The following GSK3B variants were observed in gnomAD, a reference collection of about 807,000 sequenced individuals.
The protein encoded by GSK3B is glycogen synthase kinase 3 beta.
Under a neutral mutation model 56.4 loss-of-function variants are expected in GSK3B, and 15 were observed. The observed-to-expected ratio is 0.27, with a 90% CI of 0.18 to 0.41. The LOEUF (loss-of-function observed/expected upper bound fraction) is 0.41. Among genes scored for constraint, GSK3B ranks in the 10% least tolerant of loss-of-function variants. The probability of loss-of-function intolerance (pLI) is 1.00; values close to 1 mark genes in which losing one functional copy is unlikely to be tolerated. For missense variants in GSK3B, 300 were observed against 513.4 expected (o/e 0.58, Z 4.02); for synonymous variants, 181 against 188.9 (o/e 0.96, Z 0.34).
intron 3 of GSK3B, among the ~76,000 whole-genome samples, chr3:119,928,612 TAAAAAAAAA>T (rs1160252679): frequency 7.5e-5 from 5 of 67,056 alleles, no homozygotes; most frequent in South Asian, 6.9e-4. Context: ...ATCAAAAAAA[TAAAAAAAAA>T]AAAAAAAAAA....
At chr3:119,842,494 T>G (rs906349179) in intron 10 of GSK3B, among the ~76,000 whole-genome samples, 2 of 152,100 alleles carry the variant, frequency 1.3e-5, no homozygotes, top group Non-Finnish European at 2.9e-5. Context: ...GCAATTTACA[T>G]TCGAGGGGAA....
intron 8 of GSK3B, among the ~76,000 whole-genome samples, chr3:119,870,838 G>C (rs2056241804): frequency 6.6e-6 from 1 of 152,130 alleles, no homozygotes; most frequent in African/African-American, 2.4e-5. Context: ...GAACAAAACA[G>C]ACAAGTGGCA....
chr3:120,029,252 G>T, intron 1 of GSK3B: 1 of 720,490 alleles, frequency 1.4e-6, no homozygotes, highest in Admixed American at 1.8e-5. Context: ...GGTTATCACA[G>T]CTGCAAATGA....
chr3:119,961,453 C>T (rs2057270551), intron 2 of GSK3B, among the ~76,000 whole-genome samples: 1 of 152,012 alleles, frequency 6.6e-6, no homozygotes, highest in Admixed American at 6.6e-5. Context: ...CATGGTGAAA[C>T]TCCGTCTCTA....
intron 1 of GSK3B, among the ~76,000 whole-genome samples, chr3:120,062,062 A>C (rs928643984): frequency 6.6e-6 from 1 of 151,738 alleles, no homozygotes; most frequent in Non-Finnish European, 1.5e-5. Flanking sequence ...TTAGCAACAT[A>C]CCTCCTGAAA....
At chr3:119,884,504 T>C (rs2056413472) in intron 7 of GSK3B, among the ~76,000 whole-genome samples, 1 of 152,154 alleles carries the variant, frequency 6.6e-6, no homozygotes. Context: ...GATACAATAT[T>C]ATCCTCTTTT....
intron 1 of GSK3B, among the ~76,000 whole-genome samples, chr3:120,036,274 CAAAG>C (rs958037564): frequency 1.3e-5 from 2 of 152,024 alleles, no homozygotes; most frequent in African/African-American, 2.4e-5. Context: ...TATAACTTAC[CAAAG>C]AAAGTCCTCG....
At chr3:119,858,484 T>C (rs2056052508) in intron 9 of GSK3B, among the ~76,000 whole-genome samples, 2 of 152,208 alleles carry the variant, frequency 1.3e-5, no homozygotes, top group Admixed American at 6.5e-5. Context: ...GCTACAAACT[T>C]TTCCTTGTAG....
intron 1 of GSK3B, among the ~76,000 whole-genome samples, chr3:120,091,170 T>C (rs947595614): frequency 1.1e-4 from 17 of 152,290 alleles, no homozygotes; most frequent in African/African-American, 2.2e-4. Flanking sequence ...AATTTTTTTT[T>C]CCCCATAGCC....
At chr3:120,055,691 G>A (rs1240094148) in intron 1 of GSK3B, among the ~76,000 whole-genome samples, 3 of 152,108 alleles carry the variant, frequency 2.0e-5, no homozygotes, top group African/African-American at 7.2e-5. Flanking sequence ...TGAACAGTGA[G>A]CTTCTCAGTA....
intron 1 of GSK3B, among the ~76,000 whole-genome samples, chr3:120,022,640 T>C (rs1396180619): frequency 6.6e-6 from 1 of 152,134 alleles, no homozygotes; most frequent in African/African-American, 2.4e-5. Flanking sequence ...GCCATTCAAA[T>C]AGGGCAAGTC....
chr3:119,843,008 C>T (rs748381745), intron 10 of GSK3B, among the ~76,000 whole-genome samples: 6 of 151,964 alleles, frequency 3.9e-5, no homozygotes, highest in African/African-American at 4.8e-5. Context: ...CTCCGCCTCC[C>T]GGTTTCAAGC....
chr3:119,873,606 A>G (rs2056273952), intron 8 of GSK3B, among the ~76,000 whole-genome samples: 1 of 152,102 alleles, frequency 6.6e-6, no homozygotes, highest in Admixed American at 6.6e-5. Flanking sequence ...GTCCACTATC[A>G]CAGTGGTAGG....
At chr3:119,904,092 A>T (rs1365648668) in intron 7 of GSK3B, among the ~76,000 whole-genome samples, 2 of 151,916 alleles carry the variant, frequency 1.3e-5, no homozygotes, top group African/African-American at 4.8e-5. Context: ...AAATAAAAAT[A>T]AAAAAAAGAC....
At chr3:119,947,786 T>TG (rs2057114481) in intron 2 of GSK3B, among the ~76,000 whole-genome samples, 2 of 144,118 alleles carry the variant, frequency 1.4e-5, no homozygotes, top group African/African-American at 2.6e-5. Flanking sequence ...TAAGATGCAG[T>TG]GAAAAAAAAA....
intron 7 of GSK3B, among the ~76,000 whole-genome samples, chr3:119,896,842 A>G (rs2056573251): frequency 6.6e-6 from 1 of 152,118 alleles, no homozygotes; most frequent in Non-Finnish European, 1.5e-5. Context: ...TACTTTATAG[A>G]TTTCTCCAAA....
chr3:120,000,599 TG>T lies in GSK3B; in HGVS notation c.282+1446del, dbSNP rs1047798322. Among the ~76,000 whole-genome samples, 8 of 152,070 alleles carry T rather than the reference TG, an allele frequency of 5.3e-5. 1 individual carries two copies. The highest frequency in any genetic ancestry group is 1.2e-4 in the Non-Finnish European group (8 of 68,002). On this transcript the variant is annotated intron_variant, in intron 2 of 10. Transcript: ENST00000264235. ...GCTCCCACTAAAATGTTGCAGAGGT[TG>T]GAAGAGTAGTAAAGGGAGCAACGCT...
intron 1 of GSK3B, among the ~76,000 whole-genome samples, chr3:120,030,751 G>GTTAC (rs1371944127): frequency 1.3e-5 from 2 of 152,088 alleles, no homozygotes; most frequent in African/African-American, 4.8e-5. Context: ...GTTTTCACCT[G>GTTAC]TTACTATATT....
intron 1 of GSK3B, among the ~76,000 whole-genome samples, chr3:120,031,075 A>C (rs2107521577): frequency 6.6e-6 from 1 of 152,372 alleles, no homozygotes; most frequent in African/African-American, 2.4e-5. Context: ...ACTGTAAAAG[A>C]GTATGTTAAA....
Sources: gnomAD v4.1 joint callset for allele counts (sites outside exome capture counted in the v4.1 genomes callset) on GRCh38, gnomAD v4.1.1 for gene constraint, MANE v1.5 for transcripts, NCBI Gene and HGNC (gene_info 2026-07-23, HGNC 2026-07-21) for gene names.